Variants in GRM5 observed in about 807,000 individuals in gnomAD.
GRM5 encodes the protein metabotropic glutamate receptor 5.
GRM5 carries 19 observed loss-of-function variants against 83.1 expected under a neutral mutation model. The observed-to-expected ratio is 0.23, with a 90% CI of 0.16 to 0.34. The LOEUF is 0.34. GRM5 is among the 10% of genes least tolerant of loss of function. The pLI, the probability that GRM5 is intolerant of heterozygous loss-of-function variation, is 1.00. For synonymous variants in GRM5, 675 were observed against 633.6 expected (o/e 1.07, Z -0.98); for missense variants, 1,160 against 1,588.3 (o/e 0.73, Z 4.58).
intron 3 of GRM5, among the ~76,000 whole-genome samples, chr11:88,847,409 T>C (rs985907858): frequency 3.3e-5 from 5 of 152,208 alleles, no homozygotes; most frequent in African/African-American, 1.2e-4. Context: ...AGCACAGTAA[T>C]TGGCACAAAG....
intron 2 of GRM5, among the ~76,000 whole-genome samples, chr11:88,851,990 A>G (rs1944396440): frequency 6.6e-6 from 1 of 152,190 alleles, no homozygotes; most frequent in Admixed American, 6.5e-5. Context: ...TCTTTCATTT[A>G]TTTTTAGCTA....
chr11:88,971,239 T>G (rs1006366541), intron 2 of GRM5, among the ~76,000 whole-genome samples: 1 of 152,214 alleles, frequency 6.6e-6, no homozygotes, highest in South Asian at 2.1e-4. Flanking sequence ...TACACATATG[T>G]GCATATTATT....
chr11:89,061,375 G>A (rs1458863356), intron 1 of GRM5, among the ~76,000 whole-genome samples: 2 of 152,026 alleles, frequency 1.3e-5, no homozygotes, highest in Non-Finnish European at 2.9e-5. Flanking sequence ...ACTTAATTTA[G>A]TTTCTCTAAC....
intron 3 of GRM5, among the ~76,000 whole-genome samples, chr11:88,703,188 T>C (rs534544036): frequency 6.6e-6 from 1 of 152,190 alleles, no homozygotes; most frequent in South Asian, 2.1e-4. Flanking sequence ...TCTCCCCAGA[T>C]AACCCCTTTC....
intron 2 of GRM5, among the ~76,000 whole-genome samples, chr11:88,967,581 A>G (rs974353064): frequency 2.0e-4 from 30 of 152,124 alleles, no homozygotes; most frequent in African/African-American, 7.2e-4. Context: ...CTACTCCTGC[A>G]ATAACGGCAT....
intron 2 of GRM5, among the ~76,000 whole-genome samples, chr11:88,851,036 T>C (rs1565261275): frequency 6.6e-6 from 1 of 152,128 alleles, no homozygotes; most frequent in Non-Finnish European, 1.5e-5. Context: ...ATATTTACCT[T>C]GAGTTACACT....
intron 4 of GRM5, among the ~76,000 whole-genome samples, chr11:88,609,883 T>G (rs1938267252): frequency 6.6e-6 from 1 of 152,220 alleles, no homozygotes; most frequent in Admixed American, 6.6e-5. Context: ...ATTTAAGTCT[T>G]TAATCCATTT....
At chr11:88,823,559 G>A (rs1271358324) in intron 3 of GRM5, among the ~76,000 whole-genome samples, 1 of 151,866 alleles carries the variant, frequency 6.6e-6, no homozygotes, top group Non-Finnish European at 1.5e-5. Flanking sequence ...GTGTCTGTGA[G>A]TGGGACCTGT....
intron 2 of GRM5, among the ~76,000 whole-genome samples, chr11:88,991,023 C>T (rs1271725135): frequency 1.3e-5 from 2 of 152,056 alleles, no homozygotes; most frequent in Admixed American, 1.3e-4. Flanking sequence ...GGCAATTAGG[C>T]AGGAGAAGGA....
chr11:88,727,305 G>C (rs1158272614), intron 3 of GRM5, among the ~76,000 whole-genome samples: 7 of 152,172 alleles, frequency 4.6e-5, no homozygotes, highest in African/African-American at 1.7e-4. Flanking sequence ...ATTATATAAT[G>C]GTAACTGGAT....
rs529740966 is a variant in GRM5, at chr11:88,866,491, T to C, written c.662-16336A>G. ...GGTTGCAGCAGACTACCATGGCATG[T>C]GTATACCTATGTAACAAACCTGCAC... On this transcript the variant is annotated intron_variant, in intron 2 of 9. Coordinates refer to ENST00000305447, the MANE Select transcript of GRM5 (RefSeq NM_001143831.3). Among the ~76,000 whole-genome samples, 26 of 152,040 alleles carry C rather than the reference T, an allele frequency of 1.7e-4. 1 individual carries two copies. In the South Asian group the frequency reaches 5.2e-3, roughly 30 times the overall value.
intron 9 of GRM5, among the ~76,000 whole-genome samples, chr11:88,518,950 G>A (rs771381416): frequency 2.0e-5 from 3 of 149,748 alleles, no homozygotes; most frequent in Non-Finnish European, 4.4e-5. Flanking sequence ...TACTGAAGAC[G>A]TAAAAGTGAA....
chr11:88,740,764 C>G (rs986137444), intron 3 of GRM5, among the ~76,000 whole-genome samples: 4 of 152,020 alleles, frequency 2.6e-5, no homozygotes, highest in African/African-American at 9.7e-5. Context: ...AGTATGTGCA[C>G]AAGGCATGCT....
At chr11:88,592,840 T>G (rs1208381690) in intron 6 of GRM5, among the ~76,000 whole-genome samples, 1 of 152,126 alleles carries the variant, frequency 6.6e-6, no homozygotes, top group African/African-American at 2.4e-5. Flanking sequence ...TGAGACAGAG[T>G]CTTGCATTGT....
rs1159012677 is a variant in GRM5 at position 88,506,431 on chromosome 11, C to T, written c.*2161G>A. 6.6e-6 allele frequency: 1 copy of T among 152,152 alleles called. No individual in the cohort carries two copies. Among genetic ancestry groups the T allele is most frequent in the South Asian group, 2.1e-4 (1 of 4,834 alleles). 9.4% of individuals were successfully genotyped at this position (152,152 alleles called of 1,614,324 possible). On this transcript the variant is annotated 3_prime_UTR_variant, in exon 10 of 10. Transcript: ENST00000305447. ...CAAGATAGGAATCCTCAGGTGAATGCCATCCTTTTGATGAGGATCCAAAGG... is the reference window on the plus strand; with the variant it reads ...CAAGATAGGAATCCTCAGGTGAATGTCATCCTTTTGATGAGGATCCAAAGG...
chr11:88,915,212 G>A (rs1400471330), intron 2 of GRM5, among the ~76,000 whole-genome samples: 2 of 152,086 alleles, frequency 1.3e-5, no homozygotes, highest in Non-Finnish European at 2.9e-5. Flanking sequence ...AGGAGGAGGA[G>A]GAGAAAAGAA....
chr11:88,930,218 G>A (rs913578228), intron 2 of GRM5, among the ~76,000 whole-genome samples: 1 of 151,596 alleles, frequency 6.6e-6, no homozygotes, highest in African/African-American at 2.4e-5. Flanking sequence ...AGACCAACCT[G>A]AGCAGCATAG....
chr11:88,752,448 A>G (rs973532696), intron 3 of GRM5, among the ~76,000 whole-genome samples: 2 of 152,210 alleles, frequency 1.3e-5, no homozygotes, highest in African/African-American at 2.4e-5. Context: ...CAAATAAATG[A>G]GAGAGGACAC....
rs1565291820 is a variant in GRM5 at position 88,919,257 on chromosome 11, TC to T, written c.662-69103del. On this transcript the variant is annotated intron_variant, in intron 2 of 9. Coordinates refer to ENST00000305447, the MANE Select transcript of GRM5 (RefSeq NM_001143831.3). Reference sequence around the variant, plus strand: ...GAGTAGCTATATATATATATATATATCGGATAAAATAGATTTTAAGACAATA... The same window carrying T: ...GAGTAGCTATATATATATATATATATGGATAAAATAGATTTTAAGACAATA... Among the ~76,000 whole-genome samples, 11 of 96,440 alleles carry T rather than the reference TC, an allele frequency of 1.1e-4. 3 individuals carry two copies. The highest frequency in any genetic ancestry group is 5.7e-4 in the East Asian group (2 of 3,518). 63.3% of individuals were successfully genotyped at this position (96,440 alleles called of 152,430 possible).
Sources: allele counts gnomAD v4.1 joint callset (sites outside exome capture counted in the v4.1 genomes callset), GRCh38; gene constraint gnomAD v4.1.1; transcripts MANE v1.5; gene names NCBI Gene and HGNC (gene_info 2026-07-23, HGNC 2026-07-21).